Variants in RALGAPA2 observed in about 807,000 individuals in gnomAD.
RALGAPA2 encodes ral GTPase-activating protein subunit alpha-2.
Under a neutral mutation model 230.4 loss-of-function variants are expected in RALGAPA2, and 139 were observed. The ratio of observed to expected loss-of-function variants is 0.60; its 90% CI spans 0.53 to 0.69. The LOEUF is 0.69. RALGAPA2 is among the 30% of genes least tolerant of loss of function. The pLI is 0.00. For missense variants in RALGAPA2, 2,163 were observed against 2,276.0 expected (o/e 0.95, Z 1.01); for synonymous variants, 847 against 837.8 (o/e 1.01, Z -0.19).
Position 20,477,883 on chromosome 20 carries a change from C to T in RALGAPA2, c.5368-4927G>A, listed in dbSNP as rs572151773. 7.9e-5 allele frequency among the ~76,000 whole-genome samples: 12 copies of T among 152,218 alleles called. No individual in the cohort carries two copies. The East Asian group carries it at 9.7e-4, about 12-fold the overall frequency. ...GATAATAGGCATGAGCCACTGTGCC[C>T]GGCCCACTTACACATTTTCTATGGC... On this transcript the variant is annotated intron_variant, in intron 36 of 39. Coordinates refer to ENST00000202677, the MANE Select transcript of RALGAPA2 (RefSeq NM_020343.4).
At chr20:20,400,606 G>T (rs1399231014) in intron 38 of RALGAPA2, among the ~76,000 whole-genome samples, 1 of 152,134 alleles carries the variant, frequency 6.6e-6, no homozygotes, top group Non-Finnish European at 1.5e-5. Flanking sequence ...CCATCATAAA[G>T]AAATGTTTCC....
At chr20:20,510,509 A>G (rs2145328598) in intron 33 of RALGAPA2, among the ~76,000 whole-genome samples, 1 of 152,124 alleles carries the variant, frequency 6.6e-6, no homozygotes, top group East Asian at 1.9e-4. Context: ...GAATATTCCT[A>G]CAGGGAATAA....
chr20:20,403,673 G>C (rs942440381), intron 38 of RALGAPA2, among the ~76,000 whole-genome samples: 1 of 152,204 alleles, frequency 6.6e-6, no homozygotes, highest in African/African-American at 2.4e-5. Context: ...GCTAACTGGA[G>C]TTGCGCTGTT....
At chr20:20,592,473 C>A (rs1041190148) in intron 16 of RALGAPA2, among the ~76,000 whole-genome samples, 9 of 152,266 alleles carry the variant, frequency 5.9e-5, no homozygotes, top group African/African-American at 1.7e-4. Flanking sequence ...TGGGAATATC[C>A]CCTACAGGAC....
intron 11 of RALGAPA2, among the ~76,000 whole-genome samples, chr20:20,619,673 A>G (rs917223237): frequency 1.3e-5 from 2 of 152,238 alleles, no homozygotes; most frequent in African/African-American, 2.4e-5. Flanking sequence ...TGACTGAGTG[A>G]GCATGGAATA....
chr20:20,568,116 T>G (rs1354602198), intron 23 of RALGAPA2, among the ~76,000 whole-genome samples: 5 of 152,052 alleles, frequency 3.3e-5, no homozygotes, highest in African/African-American at 1.2e-4. Context: ...GCAGGCCGGG[T>G]AGCCCTGAAA....
Position 20,524,483 on chromosome 20 carries a change from G to A in RALGAPA2, c.3823C>T (p.Leu1275Phe). 1 of 1,613,912 alleles carries A rather than the reference G, an allele frequency of 6.2e-7. No homozygotes were observed. The highest frequency in any genetic ancestry group is 8.5e-7 in the Non-Finnish European group (1 of 1,179,840). Reference sequence around the variant, plus strand: ...ACTGCTGTGGACACGGGGTGGAGAAGGACACTCACGGGCAATGCCATGCAC... The same window carrying A: ...ACTGCTGTGGACACGGGGTGGAGAAAGACACTCACGGGCAATGCCATGCAC... The part of the protein sequence containing the change: ...DWCMALPVSV[L>F]LHPVSTAVLE... The change falls in exon 30 of 40, where the codon CTT becomes TTT. Residue 1275 changes from leucine to phenylalanine, a missense_variant. Physicochemically the swap from Leu to Phe is conservative, Grantham distance 22 (BLOSUM62 0). Transcript: ENST00000202677.
At chr20:20,658,499 T>C (rs1457519140) in intron 3 of RALGAPA2, among the ~76,000 whole-genome samples, 2 of 152,106 alleles carry the variant, frequency 1.3e-5, no homozygotes, top group Admixed American at 1.3e-4. Context: ...GTAGTTTCAC[T>C]GGAAAGTAAA....
rs370315922 is a variant in RALGAPA2 at position 20,638,898 on chromosome 20, G to A, written c.666+887C>T. Among the ~76,000 whole-genome samples, 16 of 152,274 alleles carry A rather than the reference G, an allele frequency of 1.1e-4. No individual in the cohort carries two copies. In the South Asian group the frequency reaches 3.1e-3, roughly 30 times the overall value. On this transcript the variant is annotated intron_variant, in intron 7 of 39. Transcript: ENST00000202677. ...GAATCTTGAGAGACAGCAGAGAAAA[G>A]CACAGTTCCCTAAAGAAAACTAGAA...
chr20:20,603,105 C>T (rs1296552829), intron 15 of RALGAPA2, among the ~76,000 whole-genome samples: 1 of 152,064 alleles, frequency 6.6e-6, no homozygotes, highest in Non-Finnish European at 1.5e-5. Context: ...CTCTTGGCTC[C>T]CTGCCCCTAC....
chr20:20,620,418 A>G (rs987389411), intron 11 of RALGAPA2, 45 bp downstream of exon 11: 3 of 1,585,690 alleles, frequency 1.9e-6, no homozygotes, highest in African/African-American at 2.7e-5. Context: ...ATACTTTACT[A>G]AAATATATTT....
At chr20:20,617,060 A>G (rs563955359) in intron 12 of RALGAPA2, among the ~76,000 whole-genome samples, 13 of 152,324 alleles carry the variant, frequency 8.5e-5, no homozygotes, top group African/African-American at 3.1e-4. Context: ...GTGTCCCATC[A>G]TCTGCAGATA....
At chr20:20,416,746 G>T (rs919339305) in intron 37 of RALGAPA2, among the ~76,000 whole-genome samples, 1 of 152,120 alleles carries the variant, frequency 6.6e-6, no homozygotes. Context: ...CTGTTGTTTA[G>T]CACTATCAAG....
chr20:20,535,858 C>T (rs1287875385), intron 25 of RALGAPA2, 55 bp from the exon 26 acceptor site: 18 of 1,521,858 alleles, frequency 1.2e-5, no homozygotes, highest in East Asian at 2.5e-5. Flanking sequence ...TGGTTTCCCA[C>T]ATGTTCTGAC....
chr20:20,519,756 C>T lies in RALGAPA2; in HGVS notation c.4084+1161G>A, dbSNP rs147518858. ...TTGCTTTCCTGGTGACATTCCCTCA[C>T]TCTGCTGTCCTTAAGGATGTTTCTG... On this transcript the variant is annotated intron_variant, in intron 31 of 39. Transcript: ENST00000202677. 7.3e-3 allele frequency among the ~76,000 whole-genome samples: 1,112 copies of T among 152,320 alleles called. 11 individuals carry two copies. Among genetic ancestry groups the T allele is most frequent in the African/African-American group, 0.026 (1,066 of 41,558 alleles).
chr20:20,520,856 G>C, intron 31 of RALGAPA2, 61 bp downstream of exon 31: 2 of 1,343,118 alleles, frequency 1.5e-6, no homozygotes, highest in South Asian at 1.7e-5. Flanking sequence ...AGCAAGCATG[G>C]CTAAAGGCTA....
intron 37 of RALGAPA2, among the ~76,000 whole-genome samples, chr20:20,448,956 C>T (rs1050800952): frequency 5.3e-5 from 8 of 152,022 alleles, no homozygotes; most frequent in African/African-American, 9.6e-5. Context: ...CCTCCCATGG[C>T]GGGTTTTCTA....
chr20:20,437,917 C>T lies in RALGAPA2; in HGVS notation c.5496-25769G>A, dbSNP rs2060649888. Among the ~76,000 whole-genome samples the T allele has an allele frequency of 6.6e-6, 1 of 152,146 alleles. No individual in the cohort carries two copies. Among genetic ancestry groups the T allele is most frequent in the South Asian group, 2.1e-4 (1 of 4,822 alleles). ...CCTACAGAGTCTCAGAAACCACTCT[C>T]GCAGGCTAGCTGGCTGAAGGAACAA... On this transcript the variant is annotated intron_variant, in intron 37 of 39. Transcript: ENST00000202677. The surrounding 1 kb of genome is among the most constrained non-coding windows in gnomAD (Gnocchi z 4.1).
In RALGAPA2 at chr20:20,662,807, A is replaced by AAATG. The variant is rs551056432; in HGVS notation, c.271-9224_271-9221dup. 3.1e-4 allele frequency among the ~76,000 whole-genome samples: 47 copies of AAATG among 152,370 alleles called. No individual in the cohort carries two copies. The South Asian group carries it at 8.1e-3, about 26-fold the overall frequency. ...CAGGGATGTCAGTACATGCACAAGG[A>AAATG]AATGAAGACAGACAAGGTGCACTTC... On this transcript the variant is annotated intron_variant, in intron 3 of 39. Coordinates refer to ENST00000202677, the MANE Select transcript of RALGAPA2 (RefSeq NM_020343.4).
Sources: allele counts gnomAD v4.1 joint callset (sites outside exome capture counted in the v4.1 genomes callset), GRCh38; gene constraint gnomAD v4.1.1; non-coding constraint Gnocchi (gnomAD v3.1); transcripts MANE v1.5; gene names NCBI Gene and HGNC (gene_info 2026-07-23, HGNC 2026-07-21).